HGS: variants seen among roughly 807,000 people sequenced by gnomAD.
The protein encoded by HGS is hepatocyte growth factor-regulated tyrosine kinase substrate.
A neutral mutation model predicts 109.7 loss-of-function variants in HGS; 63 were observed. That is an observed-to-expected ratio of 0.57 (90% CI 0.47 to 0.71). The LOEUF (loss-of-function observed/expected upper bound fraction) is 0.71, where lower values mean the gene tolerates loss of function less well. HGS is among the 30% of genes least tolerant of loss of function. HGS has a pLI of 0.00. For missense variants in HGS, 995 were observed against 1,068.3 expected (o/e 0.93, Z 0.96); for synonymous variants, 546 against 437.3 (o/e 1.25, Z -3.10).
At chr17:81,684,192 G>C (rs2036930862) in intron 1 of HGS, 89 bp downstream of exon 1, 1 of 1,172,892 alleles carries the variant, frequency 8.5e-7, no homozygotes, top group Non-Finnish European at 1.1e-6. Context: ...GGCCCGAGGG[G>C]CGCGGACCGG....
rs1190140726 is a variant in HGS, at chr17:81,695,882, A to G, written c.1276A>G (p.Asn426Asp). 1 of 1,613,248 alleles carries G rather than the reference A, an allele frequency of 6.2e-7. No homozygotes were observed. The change falls in exon 15 of 22, where the codon AAC (asparagine) becomes GAC (aspartate). Residue 426 changes from asparagine (N) to aspartate (D), a missense_variant. Physicochemically the swap from Asn to Asp is conservative, Grantham distance 23 (BLOSUM62 1). This residue lies in a region of HGS where 163 missense variants were observed against 217.8 expected (regional missense o/e 0.75). Transcript: ENST00000329138. ...CACCTTCGTGAACCGCATGAAGAGT[A>G]ACCACATGCGGGGCCGCAGCATCAC... Reference protein sequence around the residue: ...VTTFVNRMKSNHMRGRSITND... With the variant: ...VTTFVNRMKSDHMRGRSITND...
intron 4 of HGS, among the ~76,000 whole-genome samples, chr17:81,687,654 T>C (rs2037000406): frequency 6.6e-6 from 1 of 152,226 alleles, no homozygotes; most frequent in African/African-American, 2.4e-5. Context: ...CGGGGACATC[T>C]GCAGGGATTG....
In HGS at chr17:81,695,822, G is replaced by A. The variant is rs138635653; in HGVS notation, c.1216G>A (p.Glu406Lys). Residue 406 changes from glutamate (E) to lysine (K), a missense_variant, in exon 15 of 22, where the codon GAG (glutamate) becomes AAG (lysine). Transcript: ENST00000329138. Reference protein sequence around the residue: ...FHNGESEESHEQFLKALQNAV... With the variant: ...FHNGESEESHKQFLKALQNAV... Reference sequence around the variant, plus strand: ...CAATGGCGAGTCTGAGGAGAGCCACGAGCAGTTCCTGAAGGCGCTGCAGAA... The same window carrying A: ...CAATGGCGAGTCTGAGGAGAGCCACAAGCAGTTCCTGAAGGCGCTGCAGAA... 1.1e-5 allele frequency: 18 copies of A among 1,613,340 alleles called. No homozygotes were observed. Among genetic ancestry groups the A allele is most frequent in the African/African-American group, 6.7e-5 (5 of 74,908 alleles).
chr17:81,687,128 C>CA (rs1306342895), intron 4 of HGS, 33 bp downstream of exon 4: 1 of 1,483,500 alleles, frequency 6.7e-7, no homozygotes, highest in African/African-American at 1.4e-5. Flanking sequence ...GGTGGCCACC[C>CA]AGGCTGGCAC....
At chr17:81,684,263 A>G in intron 1 of HGS, 160 bp downstream of exon 1, 1 of 583,676 alleles carries the variant, frequency 1.7e-6, no homozygotes, top group Non-Finnish European at 2.5e-6. Flanking sequence ...CCGATCCTGG[A>G]CCCTCGGCGC....
intron 19 of HGS, 41 bp from the exon 20 acceptor site, chr17:81,700,653 CA>C: frequency 6.3e-7 from 1 of 1,580,792 alleles, no homozygotes; most frequent in Non-Finnish European, 8.6e-7. Context: ...GCCCCAGCCC[CA>C]GCCCCAGCCC....
Position 81,685,676 on chromosome 17 carries a change from C to G in HGS, c.109C>G (p.Gln37Glu). ...TTTGCAGATCTGCGACCTGATCCGC[C>G]AAGGGGACACACAGTGAGTTAGCGG... is the stretch of plus-strand genomic sequence containing the variant. ...SILQICDLIR[Q>E]GDTQAKYAVN... The change falls in exon 2 of 22, where the codon CAA becomes GAA. Residue 37 changes from glutamine (Q) to glutamate (E), a missense_variant. Transcript: ENST00000329138. The G allele has an allele frequency of 1.2e-6, 2 of 1,612,066 alleles. No individual in the cohort carries two copies. Among genetic ancestry groups the G allele is most frequent in the Non-Finnish European group, 1.7e-6 (2 of 1,179,134 alleles).
Position 81,684,027 on chromosome 17 carries a change from G to C in HGS, c.-40G>C, listed in dbSNP as rs767407000. 3 of 1,577,002 alleles carry C rather than the reference G, an allele frequency of 1.9e-6. No homozygotes were observed. Among genetic ancestry groups the C allele is most frequent in the African/African-American group, 1.3e-5 (1 of 74,458 alleles). On this transcript the variant is annotated 5_prime_UTR_variant, in exon 1 of 22. Coordinates refer to ENST00000329138, the MANE Select transcript of HGS (RefSeq NM_004712.5). ...TCGGGGGGCGCGCCAGCTCGTAGCA[G>C]GGGAGCGCCCGCGGCGTCGGGTTTG...
At chr17:81,695,312 CAGAGGGCCGTGCT>C in intron 14 of HGS, 89 bp downstream of exon 14, 1 of 1,397,338 alleles carries the variant, frequency 7.2e-7, no homozygotes, top group Non-Finnish European at 1.0e-6. Flanking sequence ...CTGCCCTAAC[CAGAGGGCCGTGCT>C]AGAGCAAGGG....
At chr17:81,699,198 ATGCTAAC>A (rs1215949840) in intron 18 of HGS, among the ~76,000 whole-genome samples, 3 of 152,250 alleles carry the variant, frequency 2.0e-5, no homozygotes, top group Non-Finnish European at 4.4e-5. Flanking sequence ...AGTTTTAAGA[ATGCTAAC>A]CTGGCCCACT....
intron 21 of HGS, 126 bp from the exon 22 acceptor site, chr17:81,701,382 A>G (rs2037235216): frequency 2.8e-6 from 3 of 1,082,168 alleles, no homozygotes; most frequent in African/African-American, 1.6e-5. Flanking sequence ...AGCTGGCTGC[A>G]TGAGCTGCAG....
Position 81,696,015 on chromosome 17 carries a change from A to G in HGS, c.1393+16A>G. 3.3e-6 allele frequency: 5 copies of G among 1,534,380 alleles called. No homozygotes were observed. Among genetic ancestry groups the G allele is most frequent in the Non-Finnish European group, 4.4e-6 (5 of 1,139,066 alleles). On this transcript the variant is annotated intron_variant, in intron 15 of 21. Transcript: ENST00000329138. Reference sequence around the variant, plus strand: ...GAGCGCAGGCGTAGGTGCCCGCGCCACGGGGCCTCGGCTCAGGGGCAGCCA... The same window carrying G: ...GAGCGCAGGCGTAGGTGCCCGCGCCGCGGGGCCTCGGCTCAGGGGCAGCCA...
intron 1 of HGS, chr17:81,684,978 C>T (rs903718797): frequency 4.1e-6 from 4 of 985,394 alleles, no homozygotes; most frequent in Non-Finnish European, 4.8e-6. Context: ...TAGATCGTTT[C>T]TGTATCCGGG....
chr17:81,684,055 C>T lies in HGS; in HGVS notation c.-12C>T. On this transcript the variant is annotated 5_prime_UTR_variant, in exon 1 of 22. Coordinates refer to ENST00000329138, the MANE Select transcript of HGS (RefSeq NM_004712.5). Reference sequence around the variant, plus strand: ...GAGCGCCCGCGGCGTCGGGTTTGGGCTGGAGGTCGCCATGGGGCGAGGCAG... The same window carrying T: ...GAGCGCCCGCGGCGTCGGGTTTGGGTTGGAGGTCGCCATGGGGCGAGGCAG... The T allele has an allele frequency of 1.3e-6, 2 of 1,593,218 alleles. No individual in the cohort carries two copies. The highest frequency in any genetic ancestry group is 1.7e-6 in the Non-Finnish European group (2 of 1,172,468).
Position 81,701,776 on chromosome 17 carries a change from C to T in HGS, c.*158C>T. ...TTCACCCCAAGCCCACCTCCCTTGT[C>T]CTCAGCCTACTGCAGTCCCTGAGTT... On this transcript the variant is annotated 3_prime_UTR_variant, in exon 22 of 22. Coordinates refer to ENST00000329138, the MANE Select transcript of HGS (RefSeq NM_004712.5). 1 of 1,083,576 alleles carries T rather than the reference C, an allele frequency of 9.2e-7. No homozygotes were observed. The highest frequency in any genetic ancestry group is 1.3e-6 in the Non-Finnish European group (1 of 783,774). The allele number at this position is 1,083,576 out of a possible 1,614,324, so 67.1% of individuals were successfully genotyped here.
At chr17:81,689,160 C>G (rs2037027438) in intron 5 of HGS, among the ~76,000 whole-genome samples, 1 of 152,212 alleles carries the variant, frequency 6.6e-6, no homozygotes, top group Admixed American at 6.5e-5. Context: ...AAGGAGCTGT[C>G]CCAAGTGTCG....
At position 81,698,667 on chromosome 17, in the gene HGS, C is replaced by T. The variant is rs963315327; in HGVS notation, c.1882+1669C>T. The stretch of plus-strand genomic sequence containing the variant: ...ATCAAGATTCTGGGTGTGCTCACAG[C>T]TCTAGGTTGTTAGCAGACAGAGCTG... On this transcript the variant is annotated intron_variant, in intron 18 of 21. Transcript: ENST00000329138. Among the ~76,000 whole-genome samples, 8 of 152,186 alleles carry T rather than the reference C, an allele frequency of 5.3e-5. No homozygotes were observed. In the East Asian group the frequency reaches 1.3e-3, roughly 26 times the overall value.
At position 81,686,361 on chromosome 17, in the gene HGS, C is replaced by A; in HGVS notation, c.172C>A (p.Pro58Thr). Residue 58 changes from proline to threonine, a missense_variant, in exon 3 of 22, where the codon CCA becomes ACA. Pro to Thr is a conservative substitution (Grantham distance 38). Around this residue, in one of 6 missense-constraint regions of HGS, gnomAD observed 182 missense variants for 261.3 expected, o/e 0.70. Coordinates refer to ENST00000329138, the MANE Select transcript of HGS (RefSeq NM_004712.5). ...CAAGAAGAAAGTCAACGACAAGAACCCACACGTCGCCTTGTATGCCCTGGA... is the reference window on the plus strand; with the variant it reads ...CAAGAAGAAAGTCAACGACAAGAACACACACGTCGCCTTGTATGCCCTGGA... ...SIKKKVNDKN[P>T]HVALYALEVM... 6.2e-7 allele frequency: 1 copy of A among 1,613,672 alleles called. No homozygotes were observed. The highest frequency in any genetic ancestry group is 2.2e-5 in the East Asian group (1 of 44,884).
chr17:81,697,200 G>GTACCTGCCAC, intron 18 of HGS: 1 of 587,026 alleles, frequency 1.7e-6, no homozygotes, highest in Non-Finnish European at 2.9e-6. Flanking sequence ...GTGCGTGGCA[G>GTACCTGCCAC]GTACTGCCCT....
Sources: allele counts gnomAD v4.1 joint callset (sites outside exome capture counted in the v4.1 genomes callset), GRCh38; gene constraint gnomAD v4.1.1; regional missense constraint gnomAD v4.1.1; transcripts MANE v1.5; gene names NCBI Gene and HGNC (gene_info 2026-07-23, HGNC 2026-07-21).